The following PROSER2 variants were observed in gnomAD, a reference collection of about 807,000 sequenced individuals.
The protein encoded by PROSER2 is proline and serine-rich protein 2.
Under a neutral mutation model 14.6 loss-of-function variants are expected in PROSER2, and 18 were observed. That is an observed-to-expected ratio of 1.23 (90% confidence interval 0.85 to 1.83). The LOEUF (loss-of-function observed/expected upper bound fraction) is 1.83. PROSER2 is among the 40% of genes most tolerant of loss of function. The pLI is 0.00. For missense variants in PROSER2, 823 were observed against 629.8 expected (o/e 1.31, Z -3.28); for synonymous variants, 367 against 286.4 (o/e 1.28, Z -2.84).
intron 1 of PROSER2, among the ~76,000 whole-genome samples, chr10:11,831,365 C>T (rs2131046961): frequency 6.6e-6 from 1 of 152,216 alleles, no homozygotes; most frequent in East Asian, 1.9e-4. Context: ...CAAATAAAGA[C>T]AAAGCACACA....
Position 11,869,990 on chromosome 10 carries a change from G to A in PROSER2, c.892G>A (p.Ala298Thr), listed in dbSNP as rs1165967661. 8 of 1,272,466 alleles carry A rather than the reference G, an allele frequency of 6.3e-6. No homozygotes were observed. The highest frequency in any genetic ancestry group is 3.2e-5 in the African/African-American group (2 of 62,346). 78.8% of individuals were successfully genotyped at this position (1,272,466 alleles called of 1,614,324 possible). Residue 298 changes from alanine (A) to threonine (T), a missense_variant, in exon 4 of 4, where the codon GCC becomes ACC. Coordinates refer to ENST00000277570, the MANE Select transcript of PROSER2 (RefSeq NM_153256.4). The surrounding 1 kb of genome is among the most constrained non-coding windows in gnomAD (Gnocchi z 4.4). ...CCACGGCCACGCCGGCGCCTTCCCC[G>A]CCGCGGGGGACGCCGGCGAGGGGGC... ...TIHGHAGAFP[A>T]AGDAGEGAPG...
In PROSER2 at chr10:11,823,806, C is replaced by G. The variant is rs1833574181; in HGVS notation, c.-82+336C>G. Among the ~76,000 whole-genome samples the G allele has an allele frequency of 6.6e-6, 1 of 152,156 alleles. No homozygotes were observed. Among genetic ancestry groups the G allele is most frequent in the Admixed American group, 6.5e-5 (1 of 15,282 alleles). Reference sequence around the variant, plus strand: ...CCCAGCCTTGGGCGCAGAGGGTCCCCGCTGTCCCCACCGTCCGTCCCCCAA... The same window carrying G: ...CCCAGCCTTGGGCGCAGAGGGTCCCGGCTGTCCCCACCGTCCGTCCCCCAA... On this transcript the variant is annotated intron_variant, in intron 1 of 3. Coordinates refer to ENST00000277570, the MANE Select transcript of PROSER2 (RefSeq NM_153256.4). The surrounding 1 kb of genome is among the most constrained non-coding windows in gnomAD (Gnocchi z 6.2).
chr10:11,827,597 A>T (rs1453922652), intron 1 of PROSER2, among the ~76,000 whole-genome samples: 1 of 151,634 alleles, frequency 6.6e-6, no homozygotes, highest in Non-Finnish European at 1.5e-5. Context: ...TGATCAGTTC[A>T]TCTGGCAGTA....
intron 2 of PROSER2, among the ~76,000 whole-genome samples, chr10:11,853,868 A>G (rs1260501192): frequency 6.6e-6 from 1 of 152,206 alleles, no homozygotes; most frequent in Non-Finnish European, 1.5e-5. Context: ...ATTTTAAATT[A>G]AAGGATTCCT....
chr10:11,850,671 A>C (rs1437952644), intron 1 of PROSER2: 1 of 152,188 alleles, frequency 6.6e-6, no homozygotes, highest in Non-Finnish European at 1.5e-5. Context: ...ATTAAGCAGA[A>C]ATGTGTTTCT....
chr10:11,846,376 A>G (rs1001718814), intron 1 of PROSER2, among the ~76,000 whole-genome samples: 4 of 152,086 alleles, frequency 2.6e-5, no homozygotes, highest in African/African-American at 9.7e-5. Context: ...AACCTTCTCA[A>G]CCTGTGTTGG....
intron 1 of PROSER2, among the ~76,000 whole-genome samples, chr10:11,825,719 CTG>C (rs879611870): frequency 2.0e-5 from 3 of 152,206 alleles, no homozygotes; most frequent in Non-Finnish European, 2.9e-5. Flanking sequence ...GGTTTCTAAT[CTG>C]TGCATTCAGG....
chr10:11,832,634 C>T (rs555525084), intron 1 of PROSER2, among the ~76,000 whole-genome samples: 6 of 152,230 alleles, frequency 3.9e-5, no homozygotes, highest in South Asian at 2.1e-4. Context: ...TCCCCTCCAC[C>T]GCCCCATGTC....
In PROSER2 at chr10:11,871,734, G is replaced by T. The variant is rs1237696788; in HGVS notation, c.*1328G>T. The T allele has an allele frequency of 6.6e-6, 1 of 152,242 alleles. No homozygotes were observed. Among genetic ancestry groups the T allele is most frequent in the Non-Finnish European group, 1.5e-5 (1 of 68,034 alleles). 9.4% of individuals were successfully genotyped at this position (152,242 alleles called of 1,614,324 possible). On this transcript the variant is annotated 3_prime_UTR_variant, in exon 4 of 4. Transcript: ENST00000277570. ...AAATAGACAGGAAGGGCTGCCCTGA[G>T]CAGTGACACCTTTGTGTTTTTATGT... is the stretch of plus-strand genomic sequence containing the variant.
At chr10:11,867,564 C>T (rs1389714829) in intron 3 of PROSER2, among the ~76,000 whole-genome samples, 1 of 152,176 alleles carries the variant, frequency 6.6e-6, no homozygotes, top group East Asian at 1.9e-4. Flanking sequence ...GCAGAGGTTG[C>T]AGTGAGCTGA....
chr10:11,867,480 A>G (rs972679677), intron 3 of PROSER2, among the ~76,000 whole-genome samples: 5 of 151,790 alleles, frequency 3.3e-5, no homozygotes, highest in Admixed American at 6.6e-5. Flanking sequence ...TAAAAATACA[A>G]AAATTAGCTG....
At position 11,829,053 on chromosome 10, in the gene PROSER2, G is replaced by A. The variant is rs1833654980; in HGVS notation, c.-82+5583G>A. On this transcript the variant is annotated intron_variant, in intron 1 of 3. Coordinates refer to ENST00000277570, the MANE Select transcript of PROSER2 (RefSeq NM_153256.4). The stretch of plus-strand genomic sequence containing the variant: ...TATGCCGCAAGGGGTTAGCCTTCCA[G>A]TCGGGGGCATGGACCAGCGAAGCTT... Among the ~76,000 whole-genome samples, 3 of 152,114 alleles carry A rather than the reference G, an allele frequency of 2.0e-5. 1 individual carries two copies. The South Asian group carries it at 6.2e-4, about 32-fold the overall frequency.
In PROSER2 at chr10:11,869,544, C is replaced by A. The variant is rs751535891; in HGVS notation, c.446C>A (p.Pro149His). ...AAACAAGATGCTGAGACTCCTCCAC[C>A]TCCAGACCCCCCGGCTCCCGAGACC... ...HRKQDAETPP[P>H]PDPPAPETLL... is the part of the protein sequence containing the mutation. The change falls in exon 4 of 4, where the codon CCT becomes CAT. Residue 149 changes from proline to histidine, a missense_variant. By Grantham distance (77) the Pro-to-His change is moderately conservative (BLOSUM62 -2). Transcript: ENST00000277570. The surrounding 1 kb of genome is among the most constrained non-coding windows in gnomAD (Gnocchi z 4.4). 2 of 1,613,652 alleles carry A rather than the reference C, an allele frequency of 1.2e-6. No homozygotes were observed. Among genetic ancestry groups the A allele is most frequent in the Non-Finnish European group, 1.7e-6 (2 of 1,179,628 alleles).
Position 11,866,572 on chromosome 10 carries a change from T to C in PROSER2, c.180T>C (p.Asp60=), listed in dbSNP as rs763087685. The C allele has an allele frequency of 1.9e-6, 3 of 1,614,192 alleles. No homozygotes were observed. In the South Asian group the frequency reaches 3.3e-5, roughly 18 times the overall value. ...SLKYLTHEEK[D]VLLFFEETID... ...AGTACCTCACCCATGAGGAAAAGGA[T>C]GTGCTCCTGTTTTTTGAAGAGACGA... The change falls in exon 3 of 4, where the codon GAT becomes GAC. Residue 60 remains aspartate, a synonymous_variant. Transcript: ENST00000277570. This position sits in a 1 kb window ranked among gnomAD's most constrained non-coding sequence, Gnocchi z 6.0.
chr10:11,842,435 G>GT (rs536578265), intron 1 of PROSER2, among the ~76,000 whole-genome samples: 13 of 147,892 alleles, frequency 8.8e-5, no homozygotes, highest in South Asian at 6.4e-4. Context: ...AATGTTCTGG[G>GT]TTTTTTTTTA....
In PROSER2 at chr10:11,836,357, C is replaced by T. The variant is rs377659207; in HGVS notation, c.-82+12887C>T. ...GATTACGGGCGCATACCACCACACC[C>T]GGCTAATTTTTGCATTTTTGGTAGA... On this transcript the variant is annotated intron_variant, in intron 1 of 3. Coordinates refer to ENST00000277570, the MANE Select transcript of PROSER2 (RefSeq NM_153256.4). This position sits in a 1 kb window ranked among gnomAD's most constrained non-coding sequence, Gnocchi z 4.6. Among the ~76,000 whole-genome samples the T allele has an allele frequency of 1.5e-4, 23 of 151,936 alleles. No homozygotes were observed. Among genetic ancestry groups the T allele is most frequent in the African/African-American group, 5.3e-4 (22 of 41,346 alleles).
At chr10:11,845,778 G>A (rs1833915980) in intron 1 of PROSER2, among the ~76,000 whole-genome samples, 1 of 152,104 alleles carries the variant, frequency 6.6e-6, no homozygotes, top group South Asian at 2.1e-4. Context: ...CTCATTGGCT[G>A]GACTCAACCA....
At chr10:11,848,273 A>G (rs952114397) in intron 1 of PROSER2, among the ~76,000 whole-genome samples, 1 of 152,108 alleles carries the variant, frequency 6.6e-6, no homozygotes, top group Non-Finnish European at 1.5e-5. Context: ...GGTTCAAGCA[A>G]TTCTTCTGCC....
intron 3 of PROSER2, among the ~76,000 whole-genome samples, chr10:11,867,704 T>C (rs1334524481): frequency 6.6e-6 from 1 of 152,192 alleles, no homozygotes; most frequent in African/African-American, 2.4e-5. Flanking sequence ...GTAGAGGCTG[T>C]AGATACAAAT....
Sources: allele counts gnomAD v4.1 joint callset (sites outside exome capture counted in the v4.1 genomes callset), GRCh38; gene constraint gnomAD v4.1.1; non-coding constraint Gnocchi (gnomAD v3.1); transcripts MANE v1.5; gene names NCBI Gene and HGNC (gene_info 2026-07-23, HGNC 2026-07-21).